Variants in SGPP1 observed in about 807,000 individuals in gnomAD.
SGPP1 encodes hSPP1.
A neutral mutation model predicts 33.0 loss-of-function variants in SGPP1; 21 were observed. The ratio of observed to expected loss-of-function variants is 0.64; its 90% CI spans 0.45 to 0.92. The LOEUF (loss-of-function observed/expected upper bound fraction) is 0.92. Among genes scored for constraint, SGPP1 ranks in the 40% least tolerant of loss-of-function variants. SGPP1 has a pLI of 0.00. For missense variants in SGPP1, 543 were observed against 589.4 expected (o/e 0.92, Z 0.81); for synonymous variants, 239 against 241.2 (o/e 0.99, Z 0.08).
At chr14:63,706,290 C>A (rs1222485977) in intron 1 of SGPP1, among the ~76,000 whole-genome samples, 1 of 152,038 alleles carries the variant, frequency 6.6e-6, no homozygotes, top group Non-Finnish European at 1.5e-5. Flanking sequence ...AACGGGGAGC[C>A]AAATGCTTAA....
chr14:63,703,487 C>T (rs1566820686), intron 1 of SGPP1, among the ~76,000 whole-genome samples: 6 of 151,478 alleles, frequency 4.0e-5, no homozygotes, highest in Admixed American at 4.0e-4. Flanking sequence ...ACCCTGTCTC[C>T]ACTAAAAATA....
At chr14:63,707,141 C>T (rs964390211) in intron 1 of SGPP1, among the ~76,000 whole-genome samples, 1 of 151,398 alleles carries the variant, frequency 6.6e-6, no homozygotes, top group African/African-American at 2.4e-5. Context: ...ACGGTTTTGA[C>T]CTATTTGCAT....
chr14:63,693,582 G>T (rs1165991035), intron 2 of SGPP1, among the ~76,000 whole-genome samples: 3 of 152,128 alleles, frequency 2.0e-5, no homozygotes, highest in East Asian at 1.9e-4. Context: ...GAAATGAAGG[G>T]TTAACAGCTC....
intron 1 of SGPP1, among the ~76,000 whole-genome samples, chr14:63,719,014 ATTTTTTTTTTTTTTTTTTTT>A (rs1163496718): frequency 1.0e-4 from 2 of 19,434 alleles, no homozygotes; most frequent in East Asian, 4.3e-3. Context: ...ATATATATAT[ATTTTTTTTTTTTTTTTTTTT>A]TTTTTTTTTT....
intron 2 of SGPP1, among the ~76,000 whole-genome samples, chr14:63,696,259 A>G (rs1466462368): frequency 3.9e-5 from 6 of 152,238 alleles, no homozygotes; most frequent in African/African-American, 1.4e-4. Context: ...TGGGTGACAG[A>G]GCAAGACTCC....
chr14:63,697,277 T>C (rs1461068955), intron 2 of SGPP1, among the ~76,000 whole-genome samples: 2 of 152,234 alleles, frequency 1.3e-5, no homozygotes, highest in Non-Finnish European at 2.9e-5. Flanking sequence ...TCTGGAAATT[T>C]ATCTGTGAAG....
chr14:63,708,960 G>A lies in SGPP1; in HGVS notation c.685-10302C>T, dbSNP rs552635281. ...TCATATATAAAGTTGTTCAAAGTGT[G>A]TTGTTTAATTTCTTTTATCCTTAGG... is the stretch of plus-strand genomic sequence containing the variant. On this transcript the variant is annotated intron_variant, in intron 1 of 2. Coordinates refer to ENST00000247225, the MANE Select transcript of SGPP1 (RefSeq NM_030791.4). 2.0e-5 allele frequency among the ~76,000 whole-genome samples: 3 copies of A among 152,258 alleles called. No individual in the cohort carries two copies. The South Asian group carries it at 6.2e-4, about 32-fold the overall frequency.
intron 1 of SGPP1, among the ~76,000 whole-genome samples, chr14:63,716,196 T>C (rs1056904271): frequency 6.6e-6 from 1 of 152,080 alleles, no homozygotes; most frequent in Admixed American, 6.6e-5. Flanking sequence ...TACCTTAAGA[T>C]TGCTATAAAA....
At chr14:63,713,609 C>T (rs1885565750) in intron 1 of SGPP1, among the ~76,000 whole-genome samples, 1 of 152,090 alleles carries the variant, frequency 6.6e-6, no homozygotes, top group Non-Finnish European at 1.5e-5. Context: ...AAATTAAAAA[C>T]CCAAAATATT....
chr14:63,692,484 G>A (rs528246310), intron 2 of SGPP1, among the ~76,000 whole-genome samples: 5 of 151,260 alleles, frequency 3.3e-5, no homozygotes, highest in African/African-American at 9.7e-5. Flanking sequence ...AGGTCTTGCC[G>A]TGTCATTCAG....
chr14:63,725,099 G>T (rs1046118344), intron 1 of SGPP1, among the ~76,000 whole-genome samples: 1 of 152,150 alleles, frequency 6.6e-6, no homozygotes, highest in Non-Finnish European at 1.5e-5. Context: ...TAGGCCAGGC[G>T]CAGTGGCTCA....
chr14:63,697,877 C>T (rs528664335), intron 2 of SGPP1, among the ~76,000 whole-genome samples: 3 of 152,274 alleles, frequency 2.0e-5, no homozygotes, highest in African/African-American at 4.8e-5. Flanking sequence ...GGAAAGTCTA[C>T]GAAACAGCTG....
rs186074445 is a variant in SGPP1, at chr14:63,687,794, G to C, written c.775-1138C>G. Among the ~76,000 whole-genome samples the C allele has an allele frequency of 9.9e-5, 15 of 152,254 alleles. No individual in the cohort carries two copies. In the East Asian group the frequency reaches 1.5e-3, roughly 16 times the overall value. On this transcript the variant is annotated intron_variant, in intron 2 of 2. Coordinates refer to ENST00000247225, the MANE Select transcript of SGPP1 (RefSeq NM_030791.4). Reference sequence around the variant, plus strand: ...CTTGAGCCCAGGAGTTGGAGACCAGGCTGGGCAACACAGGGAGACTTCGTC... The same window carrying C: ...CTTGAGCCCAGGAGTTGGAGACCAGCCTGGGCAACACAGGGAGACTTCGTC...
chr14:63,701,862 G>C (rs944437323), intron 1 of SGPP1, among the ~76,000 whole-genome samples: 8 of 142,446 alleles, frequency 5.6e-5, no homozygotes, highest in Admixed American at 3.7e-4. Context: ...GCAGGGACTT[G>C]ACCTTTAAAG....
chr14:63,724,174 C>T (rs187321916), intron 1 of SGPP1, among the ~76,000 whole-genome samples: 4 of 152,244 alleles, frequency 2.6e-5, no homozygotes, highest in African/African-American at 7.2e-5. Context: ...ACCACTACAC[C>T]TGGCCATATA....
intron 2 of SGPP1, among the ~76,000 whole-genome samples, chr14:63,689,788 C>T (rs1466418498): frequency 2.1e-4 from 31 of 148,312 alleles, no homozygotes; most frequent in Non-Finnish European, 8.9e-5. Context: ...CAGAGCAAGA[C>T]TCTGTCTCAA....
chr14:63,711,003 ATTGT>A (rs889557605), intron 1 of SGPP1, among the ~76,000 whole-genome samples: 4 of 150,224 alleles, frequency 2.7e-5, no homozygotes, highest in Non-Finnish European at 5.9e-5. Context: ...ATTCATTAAG[ATTGT>A]TTTCTTTCTT....
intron 1 of SGPP1, among the ~76,000 whole-genome samples, chr14:63,700,008 G>A (rs974252389): frequency 1.3e-5 from 2 of 151,868 alleles, no homozygotes; most frequent in Non-Finnish European, 1.5e-5. Flanking sequence ...TGTCACCAAG[G>A]CTGATGTGCG....
chr14:63,694,481 A>T (rs981247955), intron 2 of SGPP1, among the ~76,000 whole-genome samples: 3 of 147,064 alleles, frequency 2.0e-5, no homozygotes, highest in Non-Finnish European at 4.4e-5. Context: ...TCTGACCAGG[A>T]AAAAAAAACA....
Sources: allele counts gnomAD v4.1 joint callset (sites outside exome capture counted in the v4.1 genomes callset), GRCh38; gene constraint gnomAD v4.1.1; transcripts MANE v1.5; gene names NCBI Gene and HGNC (gene_info 2026-07-23, HGNC 2026-07-21).